Variants in FRAS1 observed in about 807,000 individuals in gnomAD.
The protein encoded by FRAS1 is Fraser extracellular matrix complex subunit 1, also known as extracellular matrix organizing protein FRAS1.
A neutral mutation model predicts 435.2 loss-of-function variants in FRAS1; 290 were observed. The ratio of observed to expected loss-of-function variants is 0.67; its 90% confidence interval spans 0.61 to 0.73. The LOEUF is 0.73. Among genes scored for constraint, FRAS1 ranks in the 30% least tolerant of loss-of-function variants. The probability of loss-of-function intolerance (pLI) is 0.00; values close to 1 mark genes in which losing one functional copy is unlikely to be tolerated. For missense variants in FRAS1, 4,860 were observed against 5,001.5 expected (o/e 0.97, Z 0.85); for synonymous variants, 1,800 against 1,851.0 (o/e 0.97, Z 0.71).
chr4:78,116,677 T>G lies in FRAS1; in HGVS notation c.108+50661T>G, dbSNP rs182118739. Among the ~76,000 whole-genome samples, 281 of 152,270 alleles carry G rather than the reference T, an allele frequency of 1.8e-3. 1 individual carries two copies. The highest frequency in any genetic ancestry group is 6.3e-3 in the African/African-American group (262 of 41,552). On this transcript the variant is annotated intron_variant, in intron 2 of 73. Transcript: ENST00000512123. ...TCCCTGCCTTTTTTTGTTTTCCATT[T>G]GCTTGGTAGATCTTCCTCCATCCCT...
intron 20 of FRAS1, 124 bp downstream of exon 20, chr4:78,337,941 T>C (rs1317818678): frequency 6.6e-6 from 6 of 911,432 alleles, no homozygotes; most frequent in Non-Finnish European, 1.7e-6. Flanking sequence ...ATTTGTTTCA[T>C]GTCTGGAAAC....
chr4:78,266,952 A>C lies in FRAS1; in HGVS notation c.789+17A>C. 1 of 1,540,132 alleles carries C rather than the reference A, an allele frequency of 6.5e-7. No homozygotes were observed. The highest frequency in any genetic ancestry group is 2.3e-5 in the East Asian group (1 of 43,574). On this transcript the variant is annotated intron_variant, in intron 8 of 73. Transcript: ENST00000512123. ...TGCGGAAAGGTATTTGAGAGTGTGT[A>C]CCTTACTTGTTTAAGCTCTTTTCTG... is the stretch of plus-strand genomic sequence containing the variant.
At chr4:78,316,716 G>A (rs1254098154) in intron 16 of FRAS1, among the ~76,000 whole-genome samples, 1 of 152,166 alleles carries the variant, frequency 6.6e-6, no homozygotes, top group African/African-American at 2.4e-5. Flanking sequence ...CATATGTTGT[G>A]GTCAGAGTCA....
rs578085443 is a variant in FRAS1 at position 78,368,350 on chromosome 4, G to A, written c.2723-1488G>A. On this transcript the variant is annotated intron_variant, in intron 22 of 73. Coordinates refer to ENST00000512123, the MANE Select transcript of FRAS1 (RefSeq NM_025074.7). ...AATAGCATTCTTTTTTTTTTTCAGGGAGGTAATTTTCCTGCACTGTGCCAT... is the reference window on the plus strand; with the variant it reads ...AATAGCATTCTTTTTTTTTTTCAGGAAGGTAATTTTCCTGCACTGTGCCAT... Among the ~76,000 whole-genome samples the A allele has an allele frequency of 2.0e-5, 3 of 149,214 alleles. No homozygotes were observed. In the South Asian group the frequency reaches 6.4e-4, roughly 32 times the overall value.
chr4:78,283,094 T>C (rs962373600), intron 12 of FRAS1, 127 bp downstream of exon 12: 1 of 674,080 alleles, frequency 1.5e-6, no homozygotes, highest in Non-Finnish European at 2.2e-6. Context: ...TGTTTGTTTC[T>C]TCATAATTTT....
intron 33 of FRAS1, among the ~76,000 whole-genome samples, chr4:78,421,067 C>T (rs950109800): frequency 6.6e-6 from 1 of 151,666 alleles, no homozygotes; most frequent in Non-Finnish European, 1.5e-5. Flanking sequence ...CAGGAAGCAT[C>T]CAGCACAGGA....
chr4:78,533,952 A>G (rs1435866216), intron 70 of FRAS1, among the ~76,000 whole-genome samples: 1 of 152,156 alleles, frequency 6.6e-6, no homozygotes, highest in African/African-American at 2.4e-5. Context: ...TATCTGCCAG[A>G]AGGAGACACG....
At chr4:78,123,534 G>A (rs1030751870) in intron 2 of FRAS1, among the ~76,000 whole-genome samples, 1 of 152,170 alleles carries the variant, frequency 6.6e-6, no homozygotes, top group African/African-American at 2.4e-5. Flanking sequence ...GTAGCTTGAT[G>A]GGAATAGCAT....
At chr4:78,298,469 G>A (rs182103533) in intron 14 of FRAS1, among the ~76,000 whole-genome samples, 218 of 152,130 alleles carry the variant, frequency 1.4e-3, no homozygotes, top group African/African-American at 4.9e-3. Context: ...ATATTCCTGT[G>A]TTGAAATAAA....
At chr4:78,277,290 C>A (rs1025839504) in intron 9 of FRAS1, among the ~76,000 whole-genome samples, 1 of 152,172 alleles carries the variant, frequency 6.6e-6, no homozygotes, top group South Asian at 2.1e-4. Flanking sequence ...TGCCCTGCTT[C>A]GGCTCACACT....
chr4:78,096,896 ATTTCT>A (rs1203847579), intron 2 of FRAS1, among the ~76,000 whole-genome samples: 2 of 152,190 alleles, frequency 1.3e-5, no homozygotes, highest in African/African-American at 4.8e-5. Flanking sequence ...ACTTATGCAA[ATTTCT>A]GCAGCTGGCT....
chr4:78,357,405 C>A (rs569771056), intron 20 of FRAS1, among the ~76,000 whole-genome samples: 2 of 152,266 alleles, frequency 1.3e-5, no homozygotes, highest in African/African-American at 4.8e-5. Context: ...TAGCCCAAGC[C>A]CACTCTACTA....
intron 14 of FRAS1, among the ~76,000 whole-genome samples, chr4:78,299,560 C>CT (rs1415483958): frequency 6.6e-6 from 1 of 152,188 alleles, no homozygotes; most frequent in African/African-American, 2.4e-5. Context: ...CTGAAGAAAG[C>CT]TAGGGAGCTG....
intron 2 of FRAS1, among the ~76,000 whole-genome samples, chr4:78,092,290 T>C (rs892767849): frequency 2.0e-5 from 3 of 152,162 alleles, no homozygotes; most frequent in African/African-American, 7.2e-5. Context: ...TGTGGTAGGC[T>C]GTATTAGTCC....
intron 2 of FRAS1, among the ~76,000 whole-genome samples, chr4:78,135,817 G>C (rs536574696): frequency 3.3e-5 from 5 of 152,274 alleles, no homozygotes; most frequent in African/African-American, 9.6e-5. Context: ...TCCGGACTGA[G>C]GGTATACCGT....
intron 10 of FRAS1, among the ~76,000 whole-genome samples, 196 bp downstream of exon 10, chr4:78,278,940 T>A (rs1727192172): frequency 6.6e-6 from 1 of 152,130 alleles, no homozygotes; most frequent in African/African-American, 2.4e-5. Context: ...TAGGGCATAC[T>A]TTGTAGTATA....
rs576865589 is a variant in FRAS1 at position 78,406,493 on chromosome 4, C to G, written c.4130-1170C>G. On this transcript the variant is annotated intron_variant, in intron 30 of 73. Coordinates refer to ENST00000512123, the MANE Select transcript of FRAS1 (RefSeq NM_025074.7). ...TGAGGAAGAGGCAAAAGCGGAAACCCCTGATAAACCCATCAGATCTCGTGA... is the reference window on the plus strand; with the variant it reads ...TGAGGAAGAGGCAAAAGCGGAAACCGCTGATAAACCCATCAGATCTCGTGA... 1.5e-3 allele frequency among the ~76,000 whole-genome samples: 229 copies of G among 152,174 alleles called. 3 individuals carry two copies. Among genetic ancestry groups the G allele is most frequent in the African/African-American group, 5.2e-3 (217 of 41,516 alleles).
intron 2 of FRAS1, among the ~76,000 whole-genome samples, chr4:78,098,957 G>A (rs1741967463): frequency 6.6e-6 from 1 of 152,198 alleles, no homozygotes; most frequent in Admixed American, 6.5e-5. Flanking sequence ...CTTTTTATGG[G>A]TGGGATGGCA....
intron 2 of FRAS1, among the ~76,000 whole-genome samples, chr4:78,207,573 G>T (rs1288256150): frequency 6.6e-6 from 1 of 152,166 alleles, no homozygotes; most frequent in African/African-American, 2.4e-5. Flanking sequence ...GCTTCTAGTA[G>T]GCTCCATAAT....
Sources: gnomAD v4.1 joint callset for allele counts (sites outside exome capture counted in the v4.1 genomes callset) on GRCh38, gnomAD v4.1.1 for gene constraint, MANE v1.5 for transcripts, NCBI Gene and HGNC (gene_info 2026-07-23, HGNC 2026-07-21) for gene names.